The following EVI5 variants were observed in gnomAD, a reference collection of about 807,000 sequenced individuals.
EVI5 encodes the protein ecotropic viral integration site 5.
In EVI5, 73 loss-of-function variants were observed where a neutral mutation model predicts 112.0. The ratio of observed to expected loss-of-function variants is 0.65; its 90% CI spans 0.54 to 0.79. The LOEUF (loss-of-function observed/expected upper bound fraction) is 0.79, where lower values mean the gene tolerates loss of function less well. Ranked by LOEUF, EVI5 falls within the 30% of genes least tolerant of loss-of-function variation. The pLI, the probability that EVI5 is intolerant of heterozygous loss-of-function variation, is 0.00. For synonymous variants in EVI5, 305 were observed against 319.9 expected, an observed-to-expected ratio of 0.95 and a Z score of 0.50; for missense variants, 900 against 968.8, an observed-to-expected ratio of 0.93 and a Z score of 0.94.
In EVI5 at chr1:92,704,712, G is replaced by C. The variant is rs761966950; in HGVS notation, c.182C>G (p.Ser61Cys). 1.3e-6 allele frequency: 2 copies of C among 1,581,232 alleles called. No homozygotes were observed. The highest frequency in any genetic ancestry group is 1.7e-6 in the Non-Finnish European group (2 of 1,162,522). The change falls in exon 3 of 20, where the codon TCT (serine) becomes TGT (cysteine). Residue 61 changes from serine to cysteine, a missense_variant. Coordinates refer to ENST00000684568, the MANE Select transcript of EVI5 (RefSeq NM_001350197.2). ...LLETDSKSLRSVNGSRRNSGS... is the reference protein window; with the variant it reads ...LLETDSKSLRCVNGSRRNSGS... ...ACTGTTTCTTCTTGACCCATTTACA[G>C]ATCTTAAAGACTTACTATCCGTTTC... is the stretch of plus-strand genomic sequence containing the variant.
intron 3 of EVI5, 114 bp from the exon 4 acceptor site, chr1:92,703,733 T>A: frequency 1.5e-6 from 1 of 669,524 alleles, no homozygotes; most frequent in Non-Finnish European, 2.5e-6. Context: ...AATTTGTAAC[T>A]CACAAAGCTA....
intron 9 of EVI5, among the ~76,000 whole-genome samples, chr1:92,688,398 C>T (rs980297509): frequency 6.6e-6 from 1 of 152,100 alleles, no homozygotes; most frequent in African/African-American, 2.4e-5. Context: ...AGAAAACTTC[C>T]ATTTTTCTTG....
At chr1:92,655,784 T>G (rs945480517) in intron 13 of EVI5, among the ~76,000 whole-genome samples, 1 of 152,184 alleles carries the variant, frequency 6.6e-6, no homozygotes, top group Non-Finnish European at 1.5e-5. Context: ...GTAACAATCC[T>G]AAATATATAT....
intron 19 of EVI5, among the ~76,000 whole-genome samples, chr1:92,538,603 G>C (rs1422505678): frequency 2.0e-5 from 3 of 152,130 alleles, no homozygotes; most frequent in Non-Finnish European, 4.4e-5. Context: ...AAATGACAAG[G>C]CTCCTGCCCT....
intron 9 of EVI5, among the ~76,000 whole-genome samples, chr1:92,680,511 G>T (rs1277455655): frequency 1.3e-5 from 2 of 152,108 alleles, no homozygotes; most frequent in Non-Finnish European, 2.9e-5. Flanking sequence ...GTAGAATGCT[G>T]ATTAATAAAT....
At chr1:92,686,321 G>GA (rs1668528054) in intron 9 of EVI5, among the ~76,000 whole-genome samples, 10 of 152,160 alleles carry the variant, frequency 6.6e-5, no homozygotes, top group Admixed American at 6.5e-4. Context: ...AATAGATGCA[G>GA]AAAAGGCCTT....
At chr1:92,613,431 T>C (rs1247332575) in intron 16 of EVI5, among the ~76,000 whole-genome samples, 1 of 152,174 alleles carries the variant, frequency 6.6e-6, no homozygotes, top group African/African-American at 2.4e-5. Flanking sequence ...CCCAAGTAGC[T>C]GTGATTACAG....
In EVI5 at chr1:92,607,573, A is replaced by G. The variant is rs1650712603; in HGVS notation, c.1974+8T>C. 1.9e-6 allele frequency: 3 copies of G among 1,556,698 alleles called. No homozygotes were observed. In the South Asian group the frequency reaches 3.7e-5, roughly 19 times the overall value. ...CAAAAAACAAAATCAGTTAGTTGAC[A>G]TATTTACCTTGCATTCAATCTCTGC... On this transcript the variant is annotated splice_region_variant and intron_variant, in intron 17 of 19. Transcript: ENST00000684568.
chr1:92,592,922 T>C (rs6704249), intron 18 of EVI5, among the ~76,000 whole-genome samples: 140,161 of 152,240 alleles, frequency 0.92, 64,606 homozygotes, highest in East Asian at 0.97. Context: ...ATTGAGGCAA[T>C]AATTAATAGC....
At chr1:92,670,048 T>C (rs1221376009) in intron 10 of EVI5, among the ~76,000 whole-genome samples, 1 of 152,230 alleles carries the variant, frequency 6.6e-6, no homozygotes, top group African/African-American at 2.4e-5. Flanking sequence ...GGAAACTTGT[T>C]GCTAAGACAA....
chr1:92,703,327 T>C (rs1322453293), intron 4 of EVI5, 68 bp downstream of exon 4: 2 of 986,848 alleles, frequency 2.0e-6, no homozygotes, highest in Non-Finnish European at 1.5e-6. Flanking sequence ...TGCTTCATCA[T>C]GAAAAATGTA....
At chr1:92,751,882 G>A (rs953800193) in intron 1 of EVI5, among the ~76,000 whole-genome samples, 2 of 151,972 alleles carry the variant, frequency 1.3e-5, no homozygotes, top group Non-Finnish European at 2.9e-5. Flanking sequence ...GCATGGTGGT[G>A]CACGCCTATA....
intron 19 of EVI5, among the ~76,000 whole-genome samples, chr1:92,517,885 CTTTTTTTTTTTT>C (rs35504849): frequency 9.8e-6 from 1 of 102,250 alleles, no homozygotes; most frequent in African/African-American, 3.9e-5. Context: ...ATATTATATG[CTTTTTTTTTTTT>C]TTTTTTTTTT....
intron 1 of EVI5, among the ~76,000 whole-genome samples, chr1:92,761,334 T>A (rs1681841748): frequency 6.6e-6 from 1 of 150,964 alleles, no homozygotes; most frequent in Non-Finnish European, 1.5e-5. Flanking sequence ...TATAGCACGA[T>A]TTTTTTTTAG....
intron 16 of EVI5, among the ~76,000 whole-genome samples, chr1:92,610,680 T>A (rs943548428): frequency 6.6e-6 from 1 of 152,032 alleles, no homozygotes; most frequent in African/African-American, 2.4e-5. Flanking sequence ...ATGGGTTAGA[T>A]TGGAGATTAG....
intron 5 of EVI5, among the ~76,000 whole-genome samples, chr1:92,700,289 A>C (rs1389759463): frequency 6.6e-6 from 1 of 152,244 alleles, no homozygotes; most frequent in Non-Finnish European, 1.5e-5. Flanking sequence ...ATATATACAA[A>C]ACATACATAC....
intron 9 of EVI5, among the ~76,000 whole-genome samples, chr1:92,683,105 T>C (rs1455621745): frequency 6.6e-6 from 1 of 152,232 alleles, no homozygotes; most frequent in Non-Finnish European, 1.5e-5. Context: ...CTTCCTGTCA[T>C]TAAAGTGTTG....
chr1:92,595,385 A>C (rs1198786213), intron 18 of EVI5, among the ~76,000 whole-genome samples: 2 of 151,832 alleles, frequency 1.3e-5, no homozygotes, highest in African/African-American at 4.8e-5. Context: ...CGGACACAGG[A>C]AGGGGAACAT....
intron 19 of EVI5, among the ~76,000 whole-genome samples, chr1:92,524,589 T>A (rs1190700436): frequency 6.6e-6 from 1 of 152,216 alleles, no homozygotes; most frequent in Admixed American, 6.5e-5. Flanking sequence ...GATTCATCAC[T>A]GAAGCGCACC....
Sources: gnomAD v4.1 joint callset for allele counts (sites outside exome capture counted in the v4.1 genomes callset) on GRCh38, gnomAD v4.1.1 for gene constraint, MANE v1.5 for transcripts, NCBI Gene and HGNC (gene_info 2026-07-23, HGNC 2026-07-21) for gene names.